Variants in CNOT10 observed in about 807,000 individuals in gnomAD.
The protein encoded by CNOT10 is CCR4-NOT transcription complex, subunit 10.
Under a neutral mutation model 94.6 loss-of-function variants are expected in CNOT10, and 30 were observed. That is an observed-to-expected ratio of 0.32 (90% confidence interval 0.24 to 0.43). The LOEUF (loss-of-function observed/expected upper bound fraction) is 0.43. Ranked by LOEUF, CNOT10 falls within the 20% of genes least tolerant of loss-of-function variation. The pLI, the probability that CNOT10 is intolerant of heterozygous loss-of-function variation, is 1.00. For synonymous variants in CNOT10, 289 were observed against 301.6 expected (o/e 0.96, Z 0.43); for missense variants, 759 against 877.2 (o/e 0.87, Z 1.70).
chr3:32,728,962 G>A (rs547067604), intron 10 of CNOT10, among the ~76,000 whole-genome samples: 17 of 152,190 alleles, frequency 1.1e-4, no homozygotes, highest in African/African-American at 3.9e-4. Context: ...TTAGCCGGGC[G>A]TTGTGGGCCT....
At chr3:32,740,523 T>G (rs1699414355) in intron 13 of CNOT10, among the ~76,000 whole-genome samples, 1 of 152,024 alleles carries the variant, frequency 6.6e-6, no homozygotes, top group Admixed American at 6.6e-5. Flanking sequence ...ACAGAACTTT[T>G]TTTGTTTTAC....
At chr3:32,758,859 GT>G (rs201201746) in intron 13 of CNOT10, among the ~76,000 whole-genome samples, 2 of 151,824 alleles carry the variant, frequency 1.3e-5, no homozygotes, top group Non-Finnish European at 2.9e-5. Flanking sequence ...TGTTTAACCT[GT>G]TTTTTTTCCT....
Position 32,759,463 on chromosome 3 carries a change from C to T in CNOT10, c.1601C>T (p.Ser534Phe). The change falls in exon 14 of 19, where the codon TCC (serine) becomes TTC (phenylalanine). Residue 534 changes from serine (S) to phenylalanine (F), a missense_variant. By Grantham distance (155) the Ser-to-Phe change is radical (BLOSUM62 -2). This residue lies in a region of CNOT10 where 682 missense variants were observed against 799.4 expected (regional missense o/e 0.85). Transcript: ENST00000328834. ...CCTTCCCTTTTGTGTTATAGGTGCT[C>T]CATACTTGCTTGCAGTGCCTACGTG... Reference protein sequence around the residue: ...RKQELENLKCSILACSAYVAL... With the variant: ...RKQELENLKCFILACSAYVAL... 1 of 1,612,262 alleles carries T rather than the reference C, an allele frequency of 6.2e-7. No individual in the cohort carries two copies.
At position 32,750,343 on chromosome 3, in the gene CNOT10, A is replaced by G. The variant is rs377766310; in HGVS notation, c.1596-9115A>G. 2.7e-4 allele frequency among the ~76,000 whole-genome samples: 41 copies of G among 151,958 alleles called. 1 individual carries two copies. In the South Asian group the frequency reaches 8.3e-3, roughly 31 times the overall value. ...AACCCCATCTCTACTAAAAATATAA[A>G]AATTAGCCAGGTGCGGTGTTGTGTG... is the stretch of plus-strand genomic sequence containing the variant. On this transcript the variant is annotated intron_variant, in intron 13 of 18. Transcript: ENST00000328834.
intron 3 of CNOT10, 70 bp from the exon 4 acceptor site, chr3:32,708,600 T>G: frequency 7.5e-7 from 1 of 1,332,088 alleles, no homozygotes; most frequent in South Asian, 1.3e-5. Context: ...TTTTTATTCA[T>G]ATGAATTCTT....
chr3:32,702,976 A>G (rs112518358), intron 1 of CNOT10, among the ~76,000 whole-genome samples: 2 of 148,368 alleles, frequency 1.3e-5, no homozygotes, highest in Non-Finnish European at 3.0e-5. Flanking sequence ...CAGTGGCATT[A>G]TCTTGGCTCA....
At chr3:32,691,429 G>A (rs144758899) in intron 1 of CNOT10, among the ~76,000 whole-genome samples, 167 of 152,110 alleles carry the variant, frequency 1.1e-3, no homozygotes, top group African/African-American at 3.9e-3. Flanking sequence ...CCAAAGTGCT[G>A]GGATTAACAG....
At chr3:32,732,992 C>G (rs1357969482) in intron 10 of CNOT10, among the ~76,000 whole-genome samples, 1 of 152,118 alleles carries the variant, frequency 6.6e-6, no homozygotes, top group Non-Finnish European at 1.5e-5. Flanking sequence ...GTAATTAATA[C>G]TTTGAATTAA....
intron 13 of CNOT10, among the ~76,000 whole-genome samples, chr3:32,741,110 A>G (rs1275987341): frequency 1.3e-5 from 2 of 152,068 alleles, no homozygotes; most frequent in Non-Finnish European, 2.9e-5. Context: ...GTTACGACTA[A>G]TCTCTTTTTA....
chr3:32,742,334 T>C (rs991433084), intron 13 of CNOT10, among the ~76,000 whole-genome samples: 9 of 152,316 alleles, frequency 5.9e-5, no homozygotes, highest in African/African-American at 2.2e-4. Context: ...ATTTCTCTAA[T>C]GAACTTCTTT....
chr3:32,730,795 GC>G (rs2125572902), intron 10 of CNOT10: 1 of 152,276 alleles, frequency 6.6e-6, no homozygotes, highest in South Asian at 2.1e-4. Flanking sequence ...TTCAGACTTG[GC>G]AGAGGCAAGG....
At chr3:32,720,476 T>C (rs952440712) in intron 8 of CNOT10, among the ~76,000 whole-genome samples, 9 of 152,048 alleles carry the variant, frequency 5.9e-5, no homozygotes, top group Admixed American at 5.2e-4. Flanking sequence ...ATCGCTTTCC[T>C]CCCCTCCCCC....
intron 12 of CNOT10, among the ~76,000 whole-genome samples, chr3:32,735,331 T>TCCGTCTCAAAAAAAAAAAAAAAAA (rs1273249188): frequency 6.8e-6 from 1 of 146,816 alleles, no homozygotes; most frequent in African/African-American, 2.6e-5. Context: ...GGCGACAGAG[T>TCCGTCTCAAAAAAAAAAAAAAAAA]GAGACTTCAT....
At chr3:32,760,848 G>T (rs1289575892) in intron 14 of CNOT10, among the ~76,000 whole-genome samples, 2 of 151,538 alleles carry the variant, frequency 1.3e-5, no homozygotes, top group East Asian at 3.9e-4. Context: ...AGTAATTAAG[G>T]CCAGGCGCTG....
chr3:32,711,961 T>C (rs1161093678), intron 4 of CNOT10, among the ~76,000 whole-genome samples: 1 of 152,222 alleles, frequency 6.6e-6, no homozygotes, highest in African/African-American at 2.4e-5. Context: ...TAAAGGCTTT[T>C]GAAATTTTCT....
intron 16 of CNOT10, 79 bp from the exon 17 acceptor site, chr3:32,764,603 C>A: frequency 6.3e-7 from 1 of 1,599,956 alleles, no homozygotes; most frequent in Non-Finnish European, 8.5e-7. Flanking sequence ...TGCCAAGTGG[C>A]TCCTCAAGGC....
chr3:32,689,534 C>G (rs1386359141), intron 1 of CNOT10, among the ~76,000 whole-genome samples: 8 of 152,114 alleles, frequency 5.3e-5, no homozygotes, highest in Admixed American at 5.2e-4. Context: ...TGCAAATGTA[C>G]AGAACCCTTG....
At chr3:32,722,029 A>C (rs1698440737) in intron 8 of CNOT10, among the ~76,000 whole-genome samples, 1 of 152,180 alleles carries the variant, frequency 6.6e-6, no homozygotes, top group Admixed American at 6.5e-5. Flanking sequence ...GAAAGTAAAA[A>C]TTGTGACTGT....
At chr3:32,719,217 C>G (rs1490772422) in intron 7 of CNOT10, among the ~76,000 whole-genome samples, 1 of 152,190 alleles carries the variant, frequency 6.6e-6, no homozygotes, top group Non-Finnish European at 1.5e-5. Flanking sequence ...CCACTGCACT[C>G]TAGCCTGGGC....
Sources: gnomAD v4.1 joint callset for allele counts (sites outside exome capture counted in the v4.1 genomes callset) on GRCh38, gnomAD v4.1.1 for gene constraint, gnomAD v4.1.1 regional missense constraint, MANE v1.5 for transcripts, NCBI Gene and HGNC (gene_info 2026-07-23, HGNC 2026-07-21) for gene names.